PLEKHA5: variants seen among roughly 807,000 people sequenced by gnomAD.
PLEKHA5 encodes the protein pleckstrin homology domain containing A5, also known as pleckstrin homology domain-containing family A member 5.
In PLEKHA5, 55 loss-of-function variants were observed where a neutral mutation model predicts 181.9. The observed-to-expected ratio is 0.30, with a 90% CI of 0.24 to 0.38. PLEKHA5 has a LOEUF of 0.38. PLEKHA5 is among the 10% of genes least tolerant of loss of function. PLEKHA5 has a pLI of 1.00. For missense variants in PLEKHA5, 1,432 were observed against 1,549.5 expected, an observed-to-expected ratio of 0.92 and a Z score of 1.27; for synonymous variants, 535 against 529.4, an observed-to-expected ratio of 1.01 and a Z score of -0.15.
intron 3 of PLEKHA5, chr12:19,176,693 C>T (rs1406128392): frequency 6.6e-6 from 1 of 152,064 alleles, no homozygotes; most frequent in African/African-American, 2.4e-5. Context: ...GGAAAGAAAA[C>T]TGAAGAGGAA....
intron 16 of PLEKHA5, among the ~76,000 whole-genome samples, chr12:19,315,968 A>G (rs2088498732): frequency 6.6e-6 from 1 of 152,158 alleles, no homozygotes; most frequent in Non-Finnish European, 1.5e-5. Context: ...AGAGATTAAC[A>G]AACTATTAAA....
chr12:19,304,497 A>G (rs545296052), intron 15 of PLEKHA5, among the ~76,000 whole-genome samples: 12 of 152,312 alleles, frequency 7.9e-5, no homozygotes, highest in South Asian at 4.1e-4. Flanking sequence ...TAGTTGTGCA[A>G]TTACCTTGAT....
chr12:19,159,192 C>T (rs1275974604), intron 3 of PLEKHA5, among the ~76,000 whole-genome samples: 1 of 152,166 alleles, frequency 6.6e-6, no homozygotes, highest in Non-Finnish European at 1.5e-5. Flanking sequence ...AAGACATTAG[C>T]CTCCCTCTGT....
chr12:19,163,669 C>CCTATCTATCTATCTATCTATCTAT (rs71440393), intron 3 of PLEKHA5, among the ~76,000 whole-genome samples: 1 of 150,640 alleles, frequency 6.6e-6, no homozygotes, highest in African/African-American at 2.4e-5. Flanking sequence ...GTGTGGTCTT[C>CCTATCTATCTATCTATCTATCTAT]CTATCTATCT....
At chr12:19,368,955 TA>T (rs66822300) in intron 30 of PLEKHA5, among the ~76,000 whole-genome samples, 135,382 of 151,866 alleles carry the variant, frequency 0.89, 61,774 homozygotes, top group Non-Finnish European at 1. Context: ...TGCATAGAAC[TA>T]AAAAAAGTTC....
At chr12:19,331,669 A>G (rs776133236) in intron 20 of PLEKHA5, among the ~76,000 whole-genome samples, 1 of 152,186 alleles carries the variant, frequency 6.6e-6, no homozygotes, top group Non-Finnish European at 1.5e-5. Context: ...TACAGACTAC[A>G]TAGAAGTAAG....
intron 3 of PLEKHA5, among the ~76,000 whole-genome samples, chr12:19,145,132 A>G (rs2038552862): frequency 6.6e-6 from 1 of 152,158 alleles, no homozygotes; most frequent in Non-Finnish European, 1.5e-5. Flanking sequence ...GCCTTGGGTT[A>G]TATGAGTGTG....
chr12:19,279,445 C>G (rs1193400203), intron 11 of PLEKHA5, among the ~76,000 whole-genome samples: 1 of 151,944 alleles, frequency 6.6e-6, no homozygotes, highest in Non-Finnish European at 1.5e-5. Flanking sequence ...GTTGGATCAC[C>G]TGAGGTCCGG....
chr12:19,154,896 A>G (rs1356145103), intron 3 of PLEKHA5, among the ~76,000 whole-genome samples: 1 of 152,216 alleles, frequency 6.6e-6, no homozygotes. Context: ...TGCCCCAGCA[A>G]TGTCTAATGA....
At chr12:19,163,281 A>AT (rs558638167) in intron 3 of PLEKHA5, among the ~76,000 whole-genome samples, 24 of 151,148 alleles carry the variant, frequency 1.6e-4, no homozygotes, top group Non-Finnish European at 3.2e-4. Flanking sequence ...GGTTCACGCC[A>AT]TTCTCCTGCC....
chr12:19,258,010 CT>C (rs2067317441), intron 6 of PLEKHA5, among the ~76,000 whole-genome samples: 1 of 151,582 alleles, frequency 6.6e-6, no homozygotes, highest in African/African-American at 2.4e-5. Context: ...ATTTTTGATT[CT>C]ATAATATGAG....
chr12:19,353,235 C>T (rs1282988619), intron 25 of PLEKHA5, among the ~76,000 whole-genome samples: 1 of 152,100 alleles, frequency 6.6e-6, no homozygotes. Flanking sequence ...CTCACTGCAA[C>T]CTGCACCTCC....
intron 31 of PLEKHA5, chr12:19,372,395 G>GTTTTTTTTTTT (rs34877323): frequency 7.2e-6 from 1 of 139,212 alleles, no homozygotes; most frequent in Non-Finnish European, 1.6e-5. Flanking sequence ...GGGATTATTT[G>GTTTTTTTTTTT]TTTTTGTTTT....
chr12:19,323,195 A>G (rs373676422), intron 20 of PLEKHA5, among the ~76,000 whole-genome samples: 7 of 152,082 alleles, frequency 4.6e-5, no homozygotes, highest in African/African-American at 1.7e-4. Flanking sequence ...TGAGTGTTTT[A>G]CAGGGGAGAT....
intron 20 of PLEKHA5, among the ~76,000 whole-genome samples, chr12:19,335,399 A>AT (rs1311371611): frequency 6.7e-6 from 1 of 149,662 alleles, no homozygotes; most frequent in Non-Finnish European, 1.5e-5. Context: ...ATAGCTCTTT[A>AT]TTTTTTTTCT....
At chr12:19,305,744 C>T (rs2083145093) in intron 15 of PLEKHA5, among the ~76,000 whole-genome samples, 2 of 151,102 alleles carry the variant, frequency 1.3e-5, no homozygotes, top group Admixed American at 1.3e-4. Flanking sequence ...CCTGTAATCC[C>T]AGCTGCTCGG....
chr12:19,369,620 C>A, intron 30 of PLEKHA5, 73 bp from the exon 31 acceptor site: 1 of 805,790 alleles, frequency 1.2e-6, no homozygotes, highest in Non-Finnish European at 2.1e-6. Context: ...TGTGGGATTA[C>A]AGCATCAGGA....
chr12:19,283,150 A>C (rs2076546635), intron 11 of PLEKHA5, 130 bp from the exon 12 acceptor site: 1 of 74,964 alleles, frequency 1.3e-5, no homozygotes, highest in African/African-American at 2.4e-4. Context: ...CTTGTCTCCC[A>C]AAAAAAAAAA....
intron 10 of PLEKHA5, among the ~76,000 whole-genome samples, chr12:19,270,629 A>G (rs760614500): frequency 1.3e-5 from 2 of 152,198 alleles, no homozygotes. Context: ...AGCTAGTTAG[A>G]GGAAATCTGA....
Sources: allele counts gnomAD v4.1 joint callset (sites outside exome capture counted in the v4.1 genomes callset), GRCh38; gene constraint gnomAD v4.1.1; transcripts MANE v1.5; gene names NCBI Gene and HGNC (gene_info 2026-07-23, HGNC 2026-07-21).